The following UBR4 variants were observed in gnomAD, a reference collection of about 807,000 sequenced individuals.
The protein encoded by UBR4 is ubiquitin protein ligase E3 component n-recognin 4, also known as E3 ubiquitin-protein ligase UBR4.
In UBR4, 124 loss-of-function variants were observed where a neutral mutation model predicts 575.6. That is an observed-to-expected ratio of 0.22 (90% CI 0.19 to 0.25). UBR4 has a LOEUF of 0.25. Ranked by LOEUF, UBR4 falls within the 10% of genes least tolerant of loss-of-function variation. The pLI is 1.00. For synonymous variants in UBR4, 2,455 were observed against 2,473.7 expected (o/e 0.99, Z 0.22); for missense variants, 4,818 against 6,478.8 (o/e 0.74, Z 8.80).
chr1:19,115,188 C>T (rs959291174), intron 74 of UBR4, among the ~76,000 whole-genome samples: 3 of 109,432 alleles, frequency 2.7e-5, no homozygotes, highest in Non-Finnish European at 5.7e-5. Context: ...CAGACACACT[C>T]GTGTGCACAT....
In UBR4 at chr1:19,121,165, C is replaced by A. The variant is rs555365932; in HGVS notation, c.10141+24G>T. The A allele has an allele frequency of 3.1e-6, 5 of 1,609,406 alleles. No individual in the cohort carries two copies. The African/African-American group carries it at 6.7e-5, about 22-fold the overall frequency. On this transcript the variant is annotated intron_variant, in intron 68 of 105. Coordinates refer to ENST00000375254, the MANE Select transcript of UBR4 (RefSeq NM_020765.3). ...AGATTTACATACATCATTGTAGTCA[C>A]AATGACAAGAGGGTGACCCTTACCA...
At chr1:19,159,218 A>G in intron 39 of UBR4, among the ~76,000 whole-genome samples, 1 of 152,214 alleles carries the variant, frequency 6.6e-6, no homozygotes, top group African/African-American at 2.4e-5. Context: ...CCTTTTTGGA[A>G]TCGCCACCAC....
At chr1:19,176,539 C>T (rs2090284723) in intron 20 of UBR4, 53 bp downstream of exon 20, 5 of 1,588,772 alleles carry the variant, frequency 3.1e-6, no homozygotes, top group Admixed American at 1.7e-5. Flanking sequence ...CAAATTCAAC[C>T]CCACCAATGA....
intron 102 of UBR4, among the ~76,000 whole-genome samples, chr1:19,082,901 C>T (rs1172673536): frequency 6.6e-6 from 1 of 152,174 alleles, no homozygotes; most frequent in Admixed American, 6.5e-5. Flanking sequence ...CCACCAAAGG[C>T]ACTCAGCCCC....
At chr1:19,079,662 A>G (rs2076291087) in intron 103 of UBR4, 1 of 152,368 alleles carries the variant, frequency 6.6e-6, no homozygotes, top group South Asian at 2.1e-4. Context: ...CTGCCCCAGC[A>G]TCAGGATGAT....
intron 11 of UBR4, 30 bp downstream of exon 11, chr1:19,192,158 A>C: frequency 6.3e-7 from 1 of 1,591,508 alleles, no homozygotes; most frequent in South Asian, 1.1e-5. Flanking sequence ...AATAAAACAA[A>C]ATATAAGTTA....
chr1:19,209,932 C>T (rs1474114475), intron 1 of UBR4, 141 bp downstream of exon 1: 6 of 1,334,802 alleles, frequency 4.5e-6, no homozygotes, highest in Non-Finnish European at 3.9e-6. Context: ...CCAGTCTCCC[C>T]GGGCCCGGGA....
chr1:19,121,813 G>C, intron 67 of UBR4, 121 bp downstream of exon 67: 1 of 1,178,190 alleles, frequency 8.5e-7, no homozygotes, highest in East Asian at 2.6e-5. Flanking sequence ...ACAGAGTTCT[G>C]TCTAGTCTAT....
At chr1:19,092,624 A>C (rs961811534) in intron 97 of UBR4, 195 bp downstream of exon 97, 4 of 506,600 alleles carry the variant, frequency 7.9e-6, no homozygotes, top group African/African-American at 5.9e-5. Flanking sequence ...ATGAAGCCCC[A>C]CTTAAGAATG....
intron 75 of UBR4, 95 bp downstream of exon 75, chr1:19,114,716 T>C (rs1240311808): frequency 1.3e-6 from 2 of 1,504,740 alleles, no homozygotes; most frequent in Non-Finnish European, 1.8e-6. Flanking sequence ...CGAAGAAGGC[T>C]TAGGCTAGAA....
At position 19,203,632 on chromosome 1, in the gene UBR4, C is replaced by T. The variant is rs530673086; in HGVS notation, c.177-1817G>A. On this transcript the variant is annotated intron_variant, in intron 1 of 105. Coordinates refer to ENST00000375254, the MANE Select transcript of UBR4 (RefSeq NM_020765.3). ...AGGACAAGTCACTATTTGGAAGGTG[C>T]CAATGTCGGTGATGAATCACCTTGA... 3.2e-4 allele frequency among the ~76,000 whole-genome samples: 48 copies of T among 152,292 alleles called. 1 individual carries two copies. Among genetic ancestry groups the T allele is most frequent in the African/African-American group, 1.1e-3 (47 of 41,572 alleles).
rs771873829 is a variant in UBR4 at position 19,081,513 on chromosome 1, C to T, written c.15069G>A (p.Glu5023=). The T allele has an allele frequency of 4.3e-6, 7 of 1,614,054 alleles. No individual in the cohort carries two copies. The East Asian group carries it at 1.6e-4, about 36-fold the overall frequency. The stretch of plus-strand genomic sequence containing the variant: ...CTTCAAAGGCACTCTCCACCCACTT[C>T]TCCTTGGGCTGTTCCAGAAAGCCTT... ...NLQGFLEQPK[E]KWVESAFEVD... The change falls in exon 103 of 106, where the codon GAG becomes GAA. Residue 5023 remains glutamate (E), a synonymous_variant. Coordinates refer to ENST00000375254, the MANE Select transcript of UBR4 (RefSeq NM_020765.3).
intron 57 of UBR4, 143 bp downstream of exon 57, chr1:19,141,204 C>A: frequency 8.9e-7 from 1 of 1,127,298 alleles, no homozygotes. Context: ...CACTCTCCAC[C>A]TGTATCTCTG....
rs572750149 is a variant in UBR4 at position 19,160,937 on chromosome 1, G to A, written c.5386C>T (p.Arg1796Trp). ...CCCACCTGGTTCTGTAATTCCTCCCGGCAGCCCTCTACTGTGCGGCAGAGG... is the reference window on the plus strand; with the variant it reads ...CCCACCTGGTTCTGTAATTCCTCCCAGCAGCCCTCTACTGTGCGGCAGAGG... The part of the protein sequence containing the change: ...SSLCRTVEGC[R>W]EELQNQANFS... Residue 1796 changes from arginine (R) to tryptophan (W), a missense_variant, in exon 38 of 106, where the codon CGG (arginine) becomes TGG (tryptophan). This residue lies in a region of UBR4 where 159 missense variants were observed against 174.6 expected (regional missense o/e 0.91). Transcript: ENST00000375254. 33 of 1,614,050 alleles carry A rather than the reference G, an allele frequency of 2.0e-5. No individual in the cohort carries two copies. Among genetic ancestry groups the A allele is most frequent in the South Asian group, 1.1e-4 (10 of 91,070 alleles).
Position 19,150,433 on chromosome 1 carries a change from T to C in UBR4, c.7430+144A>G, listed in dbSNP as rs1571156642. ...CTTTGCACGCTAAAGAGACACTGAA[T>C]GTGGGCGAGTTGTATGAAAACTTAA... is the stretch of plus-strand genomic sequence containing the variant. On this transcript the variant is annotated intron_variant, in intron 49 of 105. Transcript: ENST00000375254. 3.6e-6 allele frequency: 3 copies of C among 835,054 alleles called. No homozygotes were observed. The East Asian group carries it at 7.9e-5, about 22-fold the overall frequency. 51.7% of individuals were successfully genotyped at this position (835,054 alleles called of 1,614,324 possible).
At position 19,197,279 on chromosome 1, in the gene UBR4, G is replaced by C. The variant is rs748276277; in HGVS notation, c.894-14C>G. 1 of 1,614,014 alleles carries C rather than the reference G, an allele frequency of 6.2e-7. No individual in the cohort carries two copies. The highest frequency in any genetic ancestry group is 1.7e-5 in the Admixed American group (1 of 59,990). Reference sequence around the variant, plus strand: ...AATGAATGAAAGCTGGAACATGACAGAGATCAACAAGTGTCTCTTAGAATC... The same window carrying C: ...AATGAATGAAAGCTGGAACATGACACAGATCAACAAGTGTCTCTTAGAATC... On this transcript the variant is annotated splice_polypyrimidine_tract_variant and intron_variant, in intron 7 of 105. Transcript: ENST00000375254.
In UBR4 at chr1:19,148,634, G is replaced by A. The variant is rs1381952783; in HGVS notation, c.7431-8C>T. ...AAAGAACTCACAACCAGCCTGGGGA[G>A]ACAGAAAACCTGGCTTGAGTACAAC... On this transcript the variant is annotated splice_polypyrimidine_tract_variant and splice_region_variant and intron_variant, in intron 49 of 105. Coordinates refer to ENST00000375254, the MANE Select transcript of UBR4 (RefSeq NM_020765.3). The A allele has an allele frequency of 1.9e-6, 3 of 1,614,184 alleles. No homozygotes were observed. Among genetic ancestry groups the A allele is most frequent in the Non-Finnish European group, 1.7e-6 (2 of 1,180,008 alleles).
Position 19,122,984 on chromosome 1 carries a change from T to A in UBR4, c.9665A>T (p.Glu3222Val). The change falls in exon 66 of 106, where the codon GAG becomes GTG. Residue 3222 changes from glutamate (E) to valine (V), a missense_variant. This residue lies in a region of UBR4 where 550 missense variants were observed against 791.5 expected (regional missense o/e 0.69). Transcript: ENST00000375254. ...CAAATCCCGGAGCTGGCGGTACTTC[T>A]CTTTGGATCCACAGATGAAGAGCAG... ...KLLLFICGSK[E>V]KYRQLRDLHT... 1 of 1,614,222 alleles carries A rather than the reference T, an allele frequency of 6.2e-7. No homozygotes were observed. The highest frequency in any genetic ancestry group is 8.5e-7 in the Non-Finnish European group (1 of 1,180,028).
chr1:19,208,328 G>A (rs1422458227), intron 1 of UBR4, among the ~76,000 whole-genome samples: 2 of 152,022 alleles, frequency 1.3e-5, no homozygotes, highest in African/African-American at 2.4e-5. Context: ...TTAGCTGGGC[G>A]TGGTGGCAGG....
Sources: gnomAD v4.1 joint callset for allele counts (sites outside exome capture counted in the v4.1 genomes callset) on GRCh38, gnomAD v4.1.1 for gene constraint, gnomAD v4.1.1 regional missense constraint, MANE v1.5 for transcripts, NCBI Gene and HGNC (gene_info 2026-07-23, HGNC 2026-07-21) for gene names.